CMKLR2: variants seen among roughly 807,000 people sequenced by gnomAD.
CMKLR2 encodes the protein chemerin chemokine-like receptor 2.
A neutral mutation model predicts 23.0 loss-of-function variants in CMKLR2; 18 were observed. That is an observed-to-expected ratio of 0.78 (90% CI 0.54 to 1.16). The LOEUF is 1.16. Among genes scored for constraint, CMKLR2 ranks in the 50% most tolerant of loss-of-function variants. The pLI is 0.00. For synonymous variants in CMKLR2, 158 were observed against 158.9 expected, an observed-to-expected ratio of 0.99 and a Z score of 0.05; for missense variants, 401 against 412.7, an observed-to-expected ratio of 0.97 and a Z score of 0.25.
intron 1 of CMKLR2, among the ~76,000 whole-genome samples, chr2:206,182,036 G>A (rs1347119792): frequency 6.6e-6 from 1 of 151,152 alleles, no homozygotes; most frequent in Non-Finnish European, 1.5e-5. Context: ...CCATCATAAA[G>A]GGCTTCATCC....
chr2:206,214,994 C>T (rs1283186740), upstream of CMKLR2, among the ~76,000 whole-genome samples: 1 of 152,072 alleles, frequency 6.6e-6, no homozygotes, highest in Non-Finnish European at 1.5e-5. Context: ...CATTGTTAGG[C>T]CATGAAAGGT....
Position 206,176,960 on chromosome 2 carries a change from A to G in CMKLR2, c.288T>C (p.Tyr96=), listed in dbSNP as rs1313098073. ...FLLFLPLYIS[Y]VAMNFHWPFG... is the part of the protein sequence containing the mutation. ...AGGGCCAGTGGAAATTCATGGCCAC[A>G]TAGGAGATGTACAGGGGCAGAAAGA... Residue 96 remains tyrosine (Y), a synonymous_variant, in exon 2 of 2, where the codon TAT becomes TAC. Coordinates refer to ENST00000621141, the MANE Select transcript of CMKLR2 (RefSeq NM_001389445.1). The G allele has an allele frequency of 4.3e-6, 7 of 1,614,268 alleles. No homozygotes were observed. The highest frequency in any genetic ancestry group is 2.2e-5 in the East Asian group (1 of 44,892).
In CMKLR2 at chr2:206,194,744, C is replaced by CTTT. The variant is rs745647131; in HGVS notation, c.-28-17472_-28-17470dup. 4.0e-4 allele frequency among the ~76,000 whole-genome samples: 31 copies of CTTT among 76,870 alleles called. 1 individual carries two copies. The highest frequency in any genetic ancestry group is 0.012 in the Middle Eastern group (1 of 82). The allele number at this position is 76,870 out of a possible 152,430, so 50.4% of individuals were successfully genotyped here. A position where few individuals can be genotyped will look rare whatever the true frequency, so the allele number is the denominator to read the frequency against. On this transcript the variant is annotated intron_variant, in intron 1 of 1. Coordinates refer to ENST00000621141, the MANE Select transcript of CMKLR2 (RefSeq NM_001389445.1). ...AGCCACCACACTGGGCCATCATAGA[C>CTTT]TTTTTTTTTTTTTTTTTTTTTTTTT...
At position 206,197,722 on chromosome 2, in the gene CMKLR2, T is replaced by C. The variant is rs529688573; in HGVS notation, c.-29+15585A>G. ...TAAAATTTTTTTTGTAGAGATGGTG[T>C]CTTGCTATGTTGCCCAGGCTGGTCT... On this transcript the variant is annotated intron_variant, in intron 1 of 1. Transcript: ENST00000621141. Among the ~76,000 whole-genome samples, 22 of 152,264 alleles carry C rather than the reference T, an allele frequency of 1.4e-4. No homozygotes were observed. In the South Asian group the frequency reaches 4.6e-3, roughly 32 times the overall value.
At chr2:206,215,400 T>C (rs1689723138), upstream of CMKLR2, among the ~76,000 whole-genome samples, 1 of 152,222 alleles carries the variant, frequency 6.6e-6, no homozygotes, top group African/African-American at 2.4e-5. Flanking sequence ...TTGGTTACTT[T>C]ACATGAGTTT....
upstream of CMKLR2, among the ~76,000 whole-genome samples, chr2:206,214,715 C>A (rs918336294): frequency 6.6e-6 from 1 of 152,072 alleles, no homozygotes; most frequent in Non-Finnish European, 1.5e-5. Context: ...GCTCCGCCTT[C>A]TGGGTTAACG....
intron 1 of CMKLR2, among the ~76,000 whole-genome samples, chr2:206,197,137 T>C (rs142218052): frequency 6.6e-6 from 1 of 152,278 alleles, no homozygotes; most frequent in Non-Finnish European, 1.5e-5. Flanking sequence ...CTCAATCTCT[T>C]GACCTCGTGA....
At chr2:206,183,780 A>C (rs1688489516) in intron 1 of CMKLR2, among the ~76,000 whole-genome samples, 1 of 152,220 alleles carries the variant, frequency 6.6e-6, no homozygotes, top group Non-Finnish European at 1.5e-5. Flanking sequence ...TGAGTCCTTG[A>C]GTAGACACAG....
At chr2:206,191,236 C>G (rs143506630) in intron 1 of CMKLR2, among the ~76,000 whole-genome samples, 3 of 152,274 alleles carry the variant, frequency 2.0e-5, no homozygotes, top group East Asian at 3.9e-4. Context: ...TAGCACCTAA[C>G]TCATGGGGTT....
chr2:206,192,729 C>T (rs2105816894), intron 1 of CMKLR2, among the ~76,000 whole-genome samples: 1 of 151,992 alleles, frequency 6.6e-6, no homozygotes, highest in Non-Finnish European at 1.5e-5. Context: ...ATGTAATCAG[C>T]AATGTAATGT....
At chr2:206,210,313 G>A (rs1243580250) in intron 1 of CMKLR2, among the ~76,000 whole-genome samples, 1 of 152,122 alleles carries the variant, frequency 6.6e-6, no homozygotes, top group Non-Finnish European at 1.5e-5. Context: ...CCATGTCCCT[G>A]CAAAGGACAT....
chr2:206,183,452 G>A (rs1443063523), intron 1 of CMKLR2, among the ~76,000 whole-genome samples: 1 of 152,138 alleles, frequency 6.6e-6, no homozygotes, highest in Non-Finnish European at 1.5e-5. Context: ...TGGGATACTG[G>A]TATGTTTACG....
chr2:206,179,392 T>G (rs1186900108), intron 1 of CMKLR2, among the ~76,000 whole-genome samples: 1 of 139,176 alleles, frequency 7.2e-6, no homozygotes, highest in Non-Finnish European at 1.6e-5. Context: ...TTTTTTTTTT[T>G]TTTTGAGACG....
chr2:206,195,002 C>T (rs568438229), intron 1 of CMKLR2, among the ~76,000 whole-genome samples: 14 of 152,064 alleles, frequency 9.2e-5, no homozygotes, highest in Non-Finnish European at 1.8e-4. Flanking sequence ...GTGATCTGCC[C>T]GCCTCAGCCT....
At chr2:206,179,618 C>T (rs920989187) in intron 1 of CMKLR2, among the ~76,000 whole-genome samples, 5 of 152,136 alleles carry the variant, frequency 3.3e-5, no homozygotes, top group South Asian at 2.1e-4. Flanking sequence ...AATAAGCCAC[C>T]GCGCCCTGCC....
rs150274953 is a variant in CMKLR2, at chr2:206,176,803, G to A, written c.445C>T (p.Arg149Ter). Residue 149 changes from arginine (R) to a stop codon, truncating the protein, a stop_gained, in exon 2 of 2, where the codon CGA (arginine) becomes TGA (stop). Coordinates refer to ENST00000621141, the MANE Select transcript of CMKLR2 (RefSeq NM_001389445.1). LOFTEE classifies it high-confidence loss of function. ...ACAATCAGAGAGTTCTTGAGGGTTC[G>A]ATGCCGATGAGATAAGACAGGATGG... ...LIHPVLSHRH[R>*]TLKNSLIVII... 329 of 1,614,110 alleles carry A rather than the reference G, an allele frequency of 2.0e-4. 3 individuals carry two copies. The African/African-American group carries it at 2.9e-3, about 14-fold the overall frequency.
chr2:206,214,978 AT>A (rs1689707676), upstream of CMKLR2, among the ~76,000 whole-genome samples: 1 of 152,098 alleles, frequency 6.6e-6, no homozygotes, highest in Non-Finnish European at 1.5e-5. Flanking sequence ...GATACCTGAA[AT>A]TGCACATTGT....
chr2:206,203,142 C>T (rs1036939111), intron 1 of CMKLR2, among the ~76,000 whole-genome samples: 2 of 140,690 alleles, frequency 1.4e-5, no homozygotes, highest in South Asian at 2.3e-4. Context: ...ATGGTGAAAC[C>T]CAGTCTCTTC....
chr2:206,217,650 T>A (rs371805181), upstream of CMKLR2: 1 of 152,214 alleles, frequency 6.6e-6, no homozygotes, highest in Non-Finnish European at 1.5e-5. Context: ...GTTTTATCTC[T>A]AATTTGAATA....
Sources: gnomAD v4.1 joint callset for allele counts (sites outside exome capture counted in the v4.1 genomes callset) on GRCh38, gnomAD v4.1.1 for gene constraint, MANE v1.5 for transcripts, NCBI Gene and HGNC (gene_info 2026-07-23, HGNC 2026-07-21) for gene names.